The following CFAP299 variants were observed in gnomAD, a reference collection of about 807,000 sequenced individuals.
The protein encoded by CFAP299 is cilia- and flagella-associated protein 299.
In CFAP299, 21 loss-of-function variants were observed where a neutral mutation model predicts 27.0. That is an observed-to-expected ratio of 0.78 (90% CI 0.55 to 1.12). The LOEUF is 1.12. CFAP299 is among the 50% of genes most tolerant of loss of function. The pLI, the probability that CFAP299 is intolerant of heterozygous loss-of-function variation, is 0.00. For synonymous variants in CFAP299, 104 were observed against 98.1 expected (o/e 1.06, Z -0.36); for missense variants, 310 against 276.6 (o/e 1.12, Z -0.86).
chr4:80,434,947 C>T (rs942635512), intron 2 of CFAP299, among the ~76,000 whole-genome samples: 4 of 152,122 alleles, frequency 2.6e-5, no homozygotes, highest in Non-Finnish European at 5.9e-5. Flanking sequence ...AAAGTGTTGA[C>T]TGCTTTTGCT....
In CFAP299 at chr4:80,942,444, C is replaced by T. The variant is rs190054836; in HGVS notation, c.477-2366C>T. 4.2e-3 allele frequency among the ~76,000 whole-genome samples: 635 copies of T among 152,126 alleles called. 1 individual carries two copies. Among genetic ancestry groups the T allele is most frequent in the Middle Eastern group, 0.014 (4 of 292 alleles). On this transcript the variant is annotated intron_variant, in intron 4 of 5. Transcript: ENST00000358105. ...GATAATAGATTCATTAGACTTATAA[C>T]GGTACCTAGCACATGACCATTACTA...
chr4:80,637,829 T>C (rs1340061499), intron 3 of CFAP299, among the ~76,000 whole-genome samples: 1 of 152,206 alleles, frequency 6.6e-6, no homozygotes, highest in Non-Finnish European at 1.5e-5. Flanking sequence ...TAGTTCAACT[T>C]GAGGTCACGT....
chr4:80,452,085 A>T (rs1193272446), intron 2 of CFAP299, among the ~76,000 whole-genome samples: 4 of 152,224 alleles, frequency 2.6e-5, no homozygotes, highest in Non-Finnish European at 4.4e-5. Flanking sequence ...TCTTCACCCC[A>T]AAGAGACATT....
intron 2 of CFAP299, among the ~76,000 whole-genome samples, chr4:80,408,198 C>A (rs1726529903): frequency 6.6e-6 from 1 of 152,162 alleles, no homozygotes; most frequent in African/African-American, 2.4e-5. Context: ...GAATATTTAA[C>A]CTTACTTCCA....
intron 2 of CFAP299, among the ~76,000 whole-genome samples, chr4:80,397,689 AAAT>A (rs1377204833): frequency 6.6e-6 from 1 of 152,162 alleles, no homozygotes; most frequent in Non-Finnish European, 1.5e-5. Context: ...ACATATCTCA[AAAT>A]AATAAGAGCT....
intron 2 of CFAP299, among the ~76,000 whole-genome samples, chr4:80,500,792 C>T (rs779632836): frequency 6.6e-6 from 1 of 152,082 alleles, no homozygotes; most frequent in Admixed American, 6.6e-5. Flanking sequence ...AATATTGGTA[C>T]AGACTGTTCT....
intron 2 of CFAP299, among the ~76,000 whole-genome samples, chr4:80,408,406 G>A (rs1189312274): frequency 2.0e-5 from 3 of 151,880 alleles, no homozygotes; most frequent in Non-Finnish European, 4.4e-5. Flanking sequence ...GTCATTTCTT[G>A]GATTATTGGT....
chr4:80,384,002 A>G (rs559436521), intron 2 of CFAP299, among the ~76,000 whole-genome samples: 3 of 152,192 alleles, frequency 2.0e-5, no homozygotes, highest in Non-Finnish European at 4.4e-5. Flanking sequence ...CAAGGTTTCT[A>G]TAATATAGTT....
chr4:80,596,360 A>C (rs1308821519), intron 3 of CFAP299, among the ~76,000 whole-genome samples: 2 of 152,284 alleles, frequency 1.3e-5, no homozygotes, highest in East Asian at 3.9e-4. Context: ...TAATAATTAG[A>C]CTGCAACGGG....
intron 3 of CFAP299, among the ~76,000 whole-genome samples, chr4:80,640,789 T>C (rs1232456101): frequency 2.6e-5 from 4 of 152,204 alleles, no homozygotes; most frequent in African/African-American, 9.6e-5. Flanking sequence ...CTCAGAGGGT[T>C]ATTCAAGATT....
chr4:80,404,713 T>G (rs1323218726), intron 2 of CFAP299, among the ~76,000 whole-genome samples: 2 of 152,240 alleles, frequency 1.3e-5, no homozygotes, highest in Admixed American at 6.5e-5. Flanking sequence ...CTTCTATCTT[T>G]TGGCCTTTGT....
At position 80,408,072 on chromosome 4, in the gene CFAP299, T is replaced by C. The variant is rs140051641; in HGVS notation, c.242+45188T>C. Among the ~76,000 whole-genome samples the C allele has an allele frequency of 4.0e-3, 608 of 152,296 alleles. 1 individual carries two copies. Among genetic ancestry groups the C allele is most frequent in the Middle Eastern group, 6.8e-3 (2 of 294 alleles). On this transcript the variant is annotated intron_variant, in intron 2 of 5. Coordinates refer to ENST00000358105, the MANE Select transcript of CFAP299 (RefSeq NM_152770.3). ...TGTTGATGGATATTTGGATTTCTTA[T>C]AGGTTTTTCCATGGTGAACAGTACT... is the stretch of plus-strand genomic sequence containing the variant.
chr4:80,869,251 A>G (rs1304516602), intron 3 of CFAP299, among the ~76,000 whole-genome samples: 2 of 152,248 alleles, frequency 1.3e-5, no homozygotes, highest in South Asian at 2.1e-4. Context: ...TGAAGTCTGT[A>G]TAAGAATGCA....
chr4:80,370,073 G>T (rs556899391), intron 2 of CFAP299, among the ~76,000 whole-genome samples: 5 of 152,276 alleles, frequency 3.3e-5, no homozygotes, highest in South Asian at 2.1e-4. Context: ...CTCAGCTTCT[G>T]GGGAGTCCTC....
chr4:80,382,295 C>T (rs974818439), intron 2 of CFAP299, among the ~76,000 whole-genome samples: 1 of 152,196 alleles, frequency 6.6e-6, no homozygotes, highest in Non-Finnish European at 1.5e-5. Context: ...AGCAAAACTG[C>T]TTGTCAGTCA....
At chr4:80,578,101 G>A (rs1735963995) in intron 2 of CFAP299, among the ~76,000 whole-genome samples, 2 of 152,156 alleles carry the variant, frequency 1.3e-5, no homozygotes, top group African/African-American at 4.8e-5. Flanking sequence ...ACCACATTTT[G>A]AAAGTGCAGT....
chr4:80,473,457 A>G (rs77022736), intron 2 of CFAP299, among the ~76,000 whole-genome samples: 1 of 152,068 alleles, frequency 6.6e-6, no homozygotes, highest in African/African-American at 2.4e-5. Context: ...AAAAAAAAAA[A>G]TCTAATGTGT....
At chr4:80,876,269 C>T (rs1733371534) in intron 4 of CFAP299, among the ~76,000 whole-genome samples, 1 of 151,670 alleles carries the variant, frequency 6.6e-6, no homozygotes, top group Non-Finnish European at 1.5e-5. Flanking sequence ...AATTGTAATC[C>T]ATATAATCCT....
chr4:80,397,106 T>TAG (rs1553919868), intron 2 of CFAP299, among the ~76,000 whole-genome samples: 1 of 151,222 alleles, frequency 6.6e-6, no homozygotes, highest in Non-Finnish European at 1.5e-5. Flanking sequence ...GGTTTAGTCT[T>TAG]GGGAGGGTGT....
Sources: gnomAD v4.1 joint callset for allele counts (sites outside exome capture counted in the v4.1 genomes callset) on GRCh38, gnomAD v4.1.1 for gene constraint, MANE v1.5 for transcripts, NCBI Gene and HGNC (gene_info 2026-07-23, HGNC 2026-07-21) for gene names.